Variants in HMCES observed in about 807,000 individuals in gnomAD.
The protein encoded by HMCES is 5-hydroxymethylcytosine binding, ES cell specific.
In HMCES, 27 loss-of-function variants were observed where a neutral mutation model predicts 35.1. The ratio of observed to expected loss-of-function variants is 0.77; its 90% confidence interval spans 0.57 to 1.06. The LOEUF is 1.06. HMCES is among the 50% of genes least tolerant of loss of function. The pLI, the probability that HMCES is intolerant of heterozygous loss-of-function variation, is 0.00. For missense variants in HMCES, 391 were observed against 430.4 expected, an observed-to-expected ratio of 0.91 and a Z score of 0.81; for synonymous variants, 130 against 154.7, an observed-to-expected ratio of 0.84 and a Z score of 1.18.
chr3:129,294,175 T>C (rs1258938731), intron 4 of HMCES, among the ~76,000 whole-genome samples: 1 of 152,036 alleles, frequency 6.6e-6, no homozygotes, highest in East Asian at 1.9e-4. Context: ...TCCCAGCACT[T>C]TGGGAGGCTA....
chr3:129,301,885 T>A, intron 5 of HMCES, 65 bp from the exon 6 acceptor site: 1 of 1,335,810 alleles, frequency 7.5e-7, no homozygotes, highest in Non-Finnish European at 1.0e-6. Context: ...GACTCAAGTC[T>A]CTCTCCCTTC....
Position 129,298,087 on chromosome 3 carries a change from A to G in HMCES, c.454-267A>G, listed in dbSNP as rs1467504710. ...TGGGTTCAAATTAACAATGTAAGTA[A>G]TAGCTAGAATGGTGGGCCAGTTCAC... On this transcript the variant is annotated intron_variant, in intron 4 of 6. Transcript: ENST00000383463. Among the ~76,000 whole-genome samples the G allele has an allele frequency of 3.9e-5, 6 of 152,218 alleles. No individual in the cohort carries two copies. The East Asian group carries it at 7.7e-4, about 20-fold the overall frequency.
At chr3:129,289,846 A>G (rs765188331) in intron 3 of HMCES, among the ~76,000 whole-genome samples, 3 of 152,158 alleles carry the variant, frequency 2.0e-5, no homozygotes, top group Non-Finnish European at 4.4e-5. Flanking sequence ...TATGTACATT[A>G]TTTAATCTTT....
At chr3:129,297,008 G>T (rs554254324) in intron 4 of HMCES, among the ~76,000 whole-genome samples, 50 of 152,300 alleles carry the variant, frequency 3.3e-4, no homozygotes, top group Non-Finnish European at 6.5e-4. Context: ...AAAGTGCTGG[G>T]ATGACAGGCA....
intron 3 of HMCES, 136 bp downstream of exon 3, chr3:129,289,133 G>A: frequency 1.4e-6 from 1 of 691,912 alleles, no homozygotes; most frequent in Non-Finnish European, 2.2e-6. Flanking sequence ...TGTTAATGTG[G>A]AATGCTATTT....
At chr3:129,298,579 A>G in intron 5 of HMCES, 44 bp downstream of exon 5, 1 of 1,557,928 alleles carries the variant, frequency 6.4e-7, no homozygotes, top group Non-Finnish European at 8.8e-7. Flanking sequence ...GATCCAAAAG[A>G]TGATTTGTCC....
chr3:129,296,230 T>G (rs1393978989), intron 4 of HMCES, among the ~76,000 whole-genome samples: 1 of 152,080 alleles, frequency 6.6e-6, no homozygotes, highest in African/African-American at 2.4e-5. Flanking sequence ...GCTAATTTTT[T>G]TTGTATTTTT....
intron 6 of HMCES, among the ~76,000 whole-genome samples, chr3:129,302,967 G>A (rs1015026907): frequency 6.6e-6 from 1 of 152,022 alleles, no homozygotes; most frequent in African/African-American, 2.4e-5. Flanking sequence ...TTGTTTCTCC[G>A]TCCCCAACCA....
chr3:129,279,567 G>T lies in HMCES; in HGVS notation c.-23-143G>T. Reference sequence around the variant, plus strand: ...AGCAAACGGGCACATCCTTGTCTTTGTGGGACTTTTTGGGGAAGACTTTAG... The same window carrying T: ...AGCAAACGGGCACATCCTTGTCTTTTTGGGACTTTTTGGGGAAGACTTTAG... On this transcript the variant is annotated intron_variant, in intron 1 of 6. Coordinates refer to ENST00000383463, the MANE Select transcript of HMCES (RefSeq NM_020187.3). The surrounding 1 kb of genome is among the most constrained non-coding windows in gnomAD (Gnocchi z 4.2). The T allele has an allele frequency of 1.3e-6, 1 of 787,202 alleles. No individual in the cohort carries two copies. Among genetic ancestry groups the T allele is most frequent in the Non-Finnish European group, 2.0e-6 (1 of 498,882 alleles). 48.8% of individuals were successfully genotyped at this position (787,202 alleles called of 1,614,324 possible). A position where few individuals can be genotyped will look rare whatever the true frequency, so the allele number is the denominator to read the frequency against.
rs369963919 is a variant in HMCES, at chr3:129,304,808, C to A, written c.1048C>A (p.Arg350Ser). Residue 350 changes from arginine (R) to serine (S), a missense_variant, in exon 7 of 7, where the codon CGT becomes AGT. Coordinates refer to ENST00000383463, the MANE Select transcript of HMCES (RefSeq NM_020187.3). ...GAAGGAGGAGGAACCTGTGGCCAAG[C>A]GTCCTTACAGCCAGTGACACAGGAC... Reference protein sequence around the residue: ...REKEEEPVAKRPYSQ With the variant: ...REKEEEPVAKSPYSQ 8 of 1,613,954 alleles carry A rather than the reference C, an allele frequency of 5.0e-6. No individual in the cohort carries two copies. The highest frequency in any genetic ancestry group is 1.3e-5 in the African/African-American group (1 of 74,924).
chr3:129,298,032 C>T (rs2071114665), intron 4 of HMCES, among the ~76,000 whole-genome samples: 1 of 152,186 alleles, frequency 6.6e-6, no homozygotes, highest in Non-Finnish European at 1.5e-5. Context: ...CATGAAATTG[C>T]ATGAGAGCTT....
At chr3:129,301,022 C>T (rs1157214505) in intron 5 of HMCES, among the ~76,000 whole-genome samples, 2 of 133,508 alleles carry the variant, frequency 1.5e-5, no homozygotes, top group Admixed American at 1.5e-4. Context: ...CACAGTGAGA[C>T]TCCATCTCAA....
intron 4 of HMCES, among the ~76,000 whole-genome samples, chr3:129,298,081 T>A (rs1411146706): frequency 6.6e-6 from 1 of 152,210 alleles, no homozygotes; most frequent in African/African-American, 2.4e-5. Flanking sequence ...ATTAACAATG[T>A]AAGTAATAGC....
At chr3:129,289,118 C>T (rs1940726523) in intron 3 of HMCES, 121 bp downstream of exon 3, 3 of 827,486 alleles carry the variant, frequency 3.6e-6, no homozygotes, top group Non-Finnish European at 5.3e-6. Context: ...AAGAATGTTC[C>T]CAGTTGTTAA....
intron 2 of HMCES, among the ~76,000 whole-genome samples, chr3:129,287,598 T>C (rs1940672102): frequency 6.6e-6 from 1 of 152,200 alleles, no homozygotes; most frequent in African/African-American, 2.4e-5. Context: ...CTTTATTGTT[T>C]ACACAGACTA....
In HMCES at chr3:129,288,928, T is replaced by C. The variant is rs929667184; in HGVS notation, c.258T>C (p.Asp86=). Residue 86 remains aspartate (D), a synonymous_variant, in exon 3 of 7, where the codon GAT becomes GAC. Transcript: ENST00000383463. Reference sequence around the variant, plus strand: ...TCCCTTCTTGGTTCAAAGAAAGTGATCCTTCCAAGCTGCAGTTCAATACTA... The same window carrying C: ...TCCCTTCTTGGTTCAAAGAAAGTGACCCTTCCAAGCTGCAGTTCAATACTA... ...GLVPSWFKES[D]PSKLQFNTTN... is the part of the protein sequence containing the mutation. 18 of 1,603,134 alleles carry C rather than the reference T, an allele frequency of 1.1e-5. No homozygotes were observed. Among genetic ancestry groups the C allele is most frequent in the Non-Finnish European group, 1.4e-5 (16 of 1,171,256 alleles).
rs1454513410 is a variant in HMCES at position 129,305,145 on chromosome 3, C to G, written c.*320C>G. On this transcript the variant is annotated 3_prime_UTR_variant, in exon 7 of 7. Transcript: ENST00000383463. Reference sequence around the variant, plus strand: ...CCAGCTGGGAAGTCTCTGCCCTGATCTGGTACTCCTTGTAGTAAGCTGTTT... The same window carrying G: ...CCAGCTGGGAAGTCTCTGCCCTGATGTGGTACTCCTTGTAGTAAGCTGTTT... 8 of 334,098 alleles carry G rather than the reference C, an allele frequency of 2.4e-5. No individual in the cohort carries two copies. Among genetic ancestry groups the G allele is most frequent in the African/African-American group, 1.4e-4 (7 of 48,424 alleles). The allele number at this position is 334,098 out of a possible 1,614,324, so 20.7% of individuals were successfully genotyped here. A position where few individuals can be genotyped will look rare whatever the true frequency, so the allele number is the denominator to read the frequency against.
intron 3 of HMCES, among the ~76,000 whole-genome samples, chr3:129,289,528 ATTG>A (rs1013572143): frequency 6.6e-6 from 1 of 151,956 alleles, no homozygotes; most frequent in African/African-American, 2.4e-5. Flanking sequence ...GTATTCTTTT[ATTG>A]TTATTGTTTA....
At chr3:129,296,284 C>T (rs573210279) in intron 4 of HMCES, among the ~76,000 whole-genome samples, 100 of 152,224 alleles carry the variant, frequency 6.6e-4, no homozygotes, top group Admixed American at 3.4e-3. Flanking sequence ...GGGTCTTGAA[C>T]GCCTGACCTC....
Sources: allele counts gnomAD v4.1 joint callset (sites outside exome capture counted in the v4.1 genomes callset), GRCh38; gene constraint gnomAD v4.1.1; non-coding constraint Gnocchi (gnomAD v3.1); transcripts MANE v1.5; gene names NCBI Gene and HGNC (gene_info 2026-07-23, HGNC 2026-07-21).